The following NCOA1 variants were observed in gnomAD, a reference collection of about 807,000 sequenced individuals.
NCOA1 encodes nuclear receptor coactivator 1.
In NCOA1, 35 loss-of-function variants were observed where a neutral mutation model predicts 150.9. The observed-to-expected ratio is 0.23, with a 90% CI of 0.18 to 0.31. The LOEUF (loss-of-function observed/expected upper bound fraction) is 0.31. NCOA1 is among the 10% of genes least tolerant of loss of function. NCOA1 has a pLI of 1.00. For synonymous variants in NCOA1, 590 were observed against 630.0 expected, an observed-to-expected ratio of 0.94 and a Z score of 0.95; for missense variants, 1,491 against 1,749.3, an observed-to-expected ratio of 0.85 and a Z score of 2.63.
intron 20 of NCOA1, 107 bp from the exon 21 acceptor site, chr2:24,757,866 A>G: frequency 1.0e-6 from 1 of 976,698 alleles, no homozygotes; most frequent in Non-Finnish European, 1.5e-6. Context: ...TTACAGTCAT[A>G]CATGCAATTT....
At chr2:24,650,345 A>G (rs1000422136) in intron 4 of NCOA1, among the ~76,000 whole-genome samples, 3 of 152,182 alleles carry the variant, frequency 2.0e-5, no homozygotes, top group Non-Finnish European at 2.9e-5. Flanking sequence ...CATATACAGG[A>G]AAAATAACAA....
At chr2:24,678,026 C>G (rs1460882132) in intron 7 of NCOA1, among the ~76,000 whole-genome samples, 1 of 152,028 alleles carries the variant, frequency 6.6e-6, no homozygotes, top group Admixed American at 6.6e-5. Flanking sequence ...TCCTCATACT[C>G]CCCCTCCTGC....
chr2:24,517,171 A>T (rs1017257365), intron 1 of NCOA1, among the ~76,000 whole-genome samples: 5 of 150,904 alleles, frequency 3.3e-5, no homozygotes, highest in South Asian at 2.1e-4. Context: ...CTTATTTTTT[A>T]TTTATTTATT....
intron 19 of NCOA1, among the ~76,000 whole-genome samples, chr2:24,751,377 G>C (rs777832271): frequency 4.0e-5 from 6 of 151,380 alleles, no homozygotes; most frequent in Non-Finnish European, 8.8e-5. Flanking sequence ...GAGGTCAGGA[G>C]TTCGAGACCA....
At chr2:24,608,704 G>GTTTTTTTTTTTTTTTTTTTTTTTT (rs56710627) in intron 3 of NCOA1, among the ~76,000 whole-genome samples, 2 of 117,334 alleles carry the variant, frequency 1.7e-5, no homozygotes, top group African/African-American at 6.6e-5. Context: ...TTGTTGTTGT[G>GTTTTTTTTTTTTTTTTTTTTTTTT]TTTTTTTTTT....
At position 24,564,429 on chromosome 2, in the gene NCOA1, A is replaced by T. The variant is rs1228788916; in HGVS notation, c.-261A>T. 1 of 152,228 alleles carries T rather than the reference A, an allele frequency of 6.6e-6. No homozygotes were observed. The highest frequency in any genetic ancestry group is 1.5e-5 in the Non-Finnish European group (1 of 68,038). 9.4% of individuals were successfully genotyped at this position (152,228 alleles called of 1,614,324 possible). On this transcript the variant is annotated splice_region_variant and 5_prime_UTR_variant, in exon 2 of 23. Coordinates refer to ENST00000348332, the MANE Select transcript of NCOA1 (RefSeq NM_003743.5). ...ACATTTAGAATTTCTACTTATTCTG[A>T]GGTATTTGAGACACAATTTTACTTT...
chr2:24,576,160 T>G (rs1666959616), intron 2 of NCOA1, among the ~76,000 whole-genome samples: 1 of 93,140 alleles, frequency 1.1e-5, no homozygotes, highest in Non-Finnish European at 2.2e-5. Flanking sequence ...TTTTTTTTTT[T>G]TTGTTTTTTG....
chr2:24,611,495 G>A (rs570469337), intron 3 of NCOA1, among the ~76,000 whole-genome samples: 1 of 152,108 alleles, frequency 6.6e-6, no homozygotes, highest in Non-Finnish European at 1.5e-5. Flanking sequence ...TGGTAGTTCT[G>A]TTGTAAGTTA....
chr2:24,582,348 A>G (rs537929625), intron 2 of NCOA1, among the ~76,000 whole-genome samples: 31 of 152,286 alleles, frequency 2.0e-4, no homozygotes, highest in Admixed American at 7.2e-4. Context: ...AAGCAATTCT[A>G]TTTACAATAA....
rs145241646 is a variant in NCOA1, at chr2:24,523,046, C to T, written c.-396+31444C>T. 3.0e-3 allele frequency among the ~76,000 whole-genome samples: 458 copies of T among 152,142 alleles called. 2 individuals carry two copies. Among genetic ancestry groups the T allele is most frequent in the African/African-American group, 0.01 (424 of 41,514 alleles). ...TTTTACTTGTTAATTGAAAATAATA[C>T]GATGTAATTTCACCCTCTTTTATAT... On this transcript the variant is annotated intron_variant, in intron 1 of 22. Transcript: ENST00000348332.
chr2:24,665,389 A>G (rs1305109929), intron 5 of NCOA1, among the ~76,000 whole-genome samples: 1 of 152,126 alleles, frequency 6.6e-6, no homozygotes, highest in African/African-American at 2.4e-5. Context: ...AGATTTTTCT[A>G]TTTCAAGAAG....
intron 1 of NCOA1, among the ~76,000 whole-genome samples, chr2:24,528,713 A>T (rs1388128226): frequency 6.6e-6 from 1 of 152,186 alleles, no homozygotes; most frequent in Non-Finnish European, 1.5e-5. Context: ...ATGCAAAAGA[A>T]TGTATAAAAC....
At chr2:24,762,657 G>A (rs978407970) in intron 21 of NCOA1, 30 bp from the exon 22 acceptor site, 3 of 1,589,806 alleles carry the variant, frequency 1.9e-6, no homozygotes, top group Non-Finnish European at 2.6e-6. Context: ...CAACTAGCTT[G>A]TAATTTGATC....
chr2:24,703,767 G>A (rs55932726), intron 11 of NCOA1, among the ~76,000 whole-genome samples: 2,836 of 152,184 alleles, frequency 0.019, 92 homozygotes, highest in African/African-American at 0.065. Flanking sequence ...TAAGTAACAT[G>A]TAACTTCAAA....
chr2:24,645,301 C>G (rs1670415114), intron 4 of NCOA1, among the ~76,000 whole-genome samples: 1 of 147,954 alleles, frequency 6.8e-6, no homozygotes, highest in Non-Finnish European at 1.5e-5. Flanking sequence ...ACCATCCTGG[C>G]TAACAAGGTG....
At chr2:24,615,736 CT>C (rs1285298596) in intron 3 of NCOA1, among the ~76,000 whole-genome samples, 1 of 152,046 alleles carries the variant, frequency 6.6e-6, no homozygotes, top group African/African-American at 2.4e-5. Context: ...TACACAGTTA[CT>C]TTTTTTGTTA....
At chr2:24,609,398 C>G (rs1000970128) in intron 3 of NCOA1, among the ~76,000 whole-genome samples, 15 of 152,162 alleles carry the variant, frequency 9.9e-5, no homozygotes, top group Admixed American at 8.5e-4. Flanking sequence ...TTCTCCCTTT[C>G]ATTTATAATT....
intron 7 of NCOA1, among the ~76,000 whole-genome samples, chr2:24,679,203 A>G (rs11693687): frequency 0.15 from 22,820 of 152,234 alleles, 2,087 homozygotes; most frequent in Non-Finnish European, 0.21. Flanking sequence ...ATGCATAGGC[A>G]TTTGTTGTCT....
intron 3 of NCOA1, among the ~76,000 whole-genome samples, chr2:24,586,162 G>A (rs547913439): frequency 7.2e-5 from 11 of 151,770 alleles, no homozygotes; most frequent in Non-Finnish European, 1.2e-4. Flanking sequence ...TGTAGTCCCA[G>A]CTACTCAGGG....
Sources: allele counts gnomAD v4.1 joint callset (sites outside exome capture counted in the v4.1 genomes callset), GRCh38; gene constraint gnomAD v4.1.1; transcripts MANE v1.5; gene names NCBI Gene and HGNC (gene_info 2026-07-23, HGNC 2026-07-21).